DNAAF9: variants seen among roughly 807,000 people sequenced by gnomAD.
DNAAF9 encodes shulin.
A neutral mutation model predicts 167.0 loss-of-function variants in DNAAF9; 90 were observed. The ratio of observed to expected loss-of-function variants is 0.54; its 90% CI spans 0.45 to 0.64. DNAAF9 has a LOEUF of 0.64. Ranked by LOEUF, DNAAF9 falls within the 30% of genes least tolerant of loss-of-function variation. The pLI is 0.00. For synonymous variants in DNAAF9, 491 were observed against 508.8 expected, an observed-to-expected ratio of 0.96 and a Z score of 0.47; for missense variants, 1,315 against 1,442.2, an observed-to-expected ratio of 0.91 and a Z score of 1.43.
intron 1 of DNAAF9, among the ~76,000 whole-genome samples, chr20:3,390,414 G>A (rs2083811084): frequency 6.8e-6 from 1 of 147,424 alleles, no homozygotes; most frequent in African/African-American, 2.5e-5. Context: ...TATCCAGGCT[G>A]GAGTGCGGTG....
chr20:3,308,681 C>T (rs921369772), intron 20 of DNAAF9, among the ~76,000 whole-genome samples: 6 of 150,460 alleles, frequency 4.0e-5, no homozygotes, highest in Admixed American at 6.6e-5. Context: ...CAGCCAGGTG[C>T]GGTGGCTCCC....
chr20:3,295,081 G>C (rs981798240), intron 23 of DNAAF9, among the ~76,000 whole-genome samples: 1 of 152,160 alleles, frequency 6.6e-6, no homozygotes, highest in Non-Finnish European at 1.5e-5. Context: ...GTGTTAGCCA[G>C]GATGGTCCCG....
intron 10 of DNAAF9, among the ~76,000 whole-genome samples, chr20:3,334,515 C>T (rs1489308012): frequency 2.0e-5 from 3 of 152,174 alleles, no homozygotes; most frequent in Non-Finnish European, 4.4e-5. Flanking sequence ...TATAAATATC[C>T]ATATGCAGGT....
intron 6 of DNAAF9, among the ~76,000 whole-genome samples, chr20:3,367,774 T>C (rs2083448680): frequency 6.6e-6 from 1 of 151,950 alleles, no homozygotes. Flanking sequence ...TCATAACAGA[T>C]ATAATAAAAA....
At chr20:3,355,593 T>G (rs916675570) in intron 7 of DNAAF9, among the ~76,000 whole-genome samples, 1 of 152,066 alleles carries the variant, frequency 6.6e-6, no homozygotes, top group African/African-American at 2.4e-5. Context: ...AAGAAATTTT[T>G]AAATAGAACA....
chr20:3,344,398 T>C (rs1480660115), intron 8 of DNAAF9, among the ~76,000 whole-genome samples: 2 of 152,164 alleles, frequency 1.3e-5, no homozygotes, highest in African/African-American at 2.4e-5. Flanking sequence ...TATATGTTCA[T>C]TGTAGAAGAC....
At position 3,294,548 on chromosome 20, in the gene DNAAF9, G is replaced by A. The variant is rs1401097341; in HGVS notation, c.2100C>T (p.Ala700=). The A allele has an allele frequency of 6.2e-7, 1 of 1,611,460 alleles. No homozygotes were observed. The highest frequency in any genetic ancestry group is 1.3e-5 in the African/African-American group (1 of 74,992). ...EKRSSLKLLS[A]KLPELDWFLQ... ...CTTACCAGTCCAGCTCTGGGAGTTT[G>A]GCTGAGAGTAACTTTAGGGAACTCC... The change falls in exon 24 of 37, where the codon GCC becomes GCT. Residue 700 remains alanine, a synonymous_variant. Coordinates refer to ENST00000252032, the MANE Select transcript of DNAAF9 (RefSeq NM_001009984.3).
intron 31 of DNAAF9, among the ~76,000 whole-genome samples, chr20:3,260,527 G>C (rs2068365374): frequency 6.6e-6 from 1 of 152,182 alleles, no homozygotes; most frequent in East Asian, 1.9e-4. Context: ...GCAGTTCCTT[G>C]ATGTCAAAGA....
intron 7 of DNAAF9, among the ~76,000 whole-genome samples, chr20:3,354,201 G>A (rs1409436072): frequency 6.6e-6 from 1 of 152,184 alleles, no homozygotes; most frequent in Non-Finnish European, 1.5e-5. Context: ...AAGATACCTA[G>A]AACCTGTGTG....
intron 11 of DNAAF9, among the ~76,000 whole-genome samples, chr20:3,331,366 T>C (rs543686343): frequency 6.6e-6 from 1 of 152,294 alleles, no homozygotes; most frequent in South Asian, 2.1e-4. Flanking sequence ...CTTTCCAGAG[T>C]TTCCTGGCTT....
In DNAAF9 at chr20:3,407,538, C is replaced by T. The variant is rs2084081342; in HGVS notation, c.20G>A (p.Arg7His). Reference sequence around the variant, plus strand: ...CCGAGCGCGGGGCAGCCCCTGCCGGCGCGGGGGGTACACGTCCATGGCGGC... The same window carrying T: ...CCGAGCGCGGGGCAGCCCCTGCCGGTGCGGGGGGTACACGTCCATGGCGGC... MDVYPP[R>H]RQGLPRARSP... The change falls in exon 1 of 37, where the codon CGC (arginine) becomes CAC (histidine). Residue 7 changes from arginine (R) to histidine (H), a missense_variant. Arg to His is a conservative substitution (Grantham distance 29). Transcript: ENST00000252032. The T allele has an allele frequency of 1.6e-6, 2 of 1,257,532 alleles. No homozygotes were observed. Among genetic ancestry groups the T allele is most frequent in the Non-Finnish European group, 2.0e-6 (2 of 1,004,946 alleles). The allele number at this position is 1,257,532 out of a possible 1,614,324, so 77.9% of individuals were successfully genotyped here. A position where few individuals can be genotyped will look rare whatever the true frequency, so the allele number is the denominator to read the frequency against.
rs774982772 is a variant in DNAAF9, at chr20:3,318,252, G to T, written c.1468+37C>A. The T allele has an allele frequency of 8.2e-5, 69 of 842,312 alleles. 1 individual carries two copies. The highest frequency in any genetic ancestry group is 7.0e-5 in the Admixed American group (3 of 42,810). 52.2% of individuals were successfully genotyped at this position (842,312 alleles called of 1,614,324 possible). Reference sequence around the variant, plus strand: ...ATTTTGCCAAAAAAAAAAAAAAAAGGCTTAAGGTTTGCTTTCTAAAGATCA... The same window carrying T: ...ATTTTGCCAAAAAAAAAAAAAAAAGTCTTAAGGTTTGCTTTCTAAAGATCA... On this transcript the variant is annotated intron_variant, in intron 17 of 36. Transcript: ENST00000252032.
intron 30 of DNAAF9, among the ~76,000 whole-genome samples, 199 bp from the exon 31 acceptor site, chr20:3,264,723 T>C (rs1190691052): frequency 6.6e-6 from 1 of 152,168 alleles, no homozygotes; most frequent in Non-Finnish European, 1.5e-5. Context: ...GCATGTGCCA[T>C]CATACCCAGG....
intron 6 of DNAAF9, among the ~76,000 whole-genome samples, chr20:3,369,653 AGGTGTGAGCC>A (rs1224589913): frequency 6.6e-6 from 1 of 152,222 alleles, no homozygotes; most frequent in African/African-American, 2.4e-5. Flanking sequence ...CTGGGATTAC[AGGTGTGAGCC>A]ACCAAGCCCG....
intron 6 of DNAAF9, among the ~76,000 whole-genome samples, chr20:3,370,629 C>T (rs186054118): frequency 2.0e-5 from 3 of 152,118 alleles, no homozygotes; most frequent in East Asian, 3.9e-4. Flanking sequence ...AGGACGGTCC[C>T]GATCTCTTGA....
intron 3 of DNAAF9, among the ~76,000 whole-genome samples, chr20:3,378,992 T>G (rs1444577075): frequency 2.0e-5 from 3 of 151,584 alleles, no homozygotes; most frequent in African/African-American, 7.3e-5. Flanking sequence ...CCCTCTCATC[T>G]CTCAGCATAT....
chr20:3,315,178 A>T lies in DNAAF9; in HGVS notation c.1591-58T>A. The stretch of plus-strand genomic sequence containing the variant: ...AAAAGAATAGGTGATTTATAGCATA[A>T]ATATTCACAGAATCAAAAGTCCTGC... On this transcript the variant is annotated intron_variant, in intron 19 of 36. Coordinates refer to ENST00000252032, the MANE Select transcript of DNAAF9 (RefSeq NM_001009984.3). This position sits in a 1 kb window ranked among gnomAD's most constrained non-coding sequence, Gnocchi z 4.1. 2.9e-6 allele frequency: 3 copies of T among 1,036,244 alleles called. No individual in the cohort carries two copies. Among genetic ancestry groups the T allele is most frequent in the Non-Finnish European group, 4.6e-6 (3 of 656,362 alleles). The allele number at this position is 1,036,244 out of a possible 1,614,324, so 64.2% of individuals were successfully genotyped here.
chr20:3,313,881 G>A (rs1363740948), intron 20 of DNAAF9, among the ~76,000 whole-genome samples: 2 of 152,178 alleles, frequency 1.3e-5, no homozygotes, highest in Non-Finnish European at 2.9e-5. Flanking sequence ...AGAGCAAACA[G>A]GGTAGAACCA....
rs16988463 is a variant in DNAAF9 at position 3,318,316 on chromosome 20, T to A, written c.1441A>T (p.Thr481Ser). The change falls in exon 17 of 37, where the codon ACT (threonine) becomes TCT (serine). Residue 481 changes from threonine to serine, a missense_variant. Thr to Ser is a moderately conservative substitution (Grantham distance 58). Coordinates refer to ENST00000252032, the MANE Select transcript of DNAAF9 (RefSeq NM_001009984.3). ...TTTTCTTTAACTAAGATCTGAGAAG[T>A]CAAAAATGATTCAGAGAAAACCACA... ...GSVVFSESFL[T>S]SQILVKEKDG... 3.2e-6 allele frequency: 5 copies of A among 1,575,048 alleles called. No homozygotes were observed. The African/African-American group carries it at 6.8e-5, about 21-fold the overall frequency.
Sources: allele counts gnomAD v4.1 joint callset (sites outside exome capture counted in the v4.1 genomes callset), GRCh38; gene constraint gnomAD v4.1.1; non-coding constraint Gnocchi (gnomAD v3.1); transcripts MANE v1.5; gene names NCBI Gene and HGNC (gene_info 2026-07-23, HGNC 2026-07-21).